The following CFAP97D2 variants were observed in gnomAD, a reference collection of about 807,000 sequenced individuals.
CFAP97D2 encodes uncharacterized protein CFAP97D2.
intron 3 of CFAP97D2, among the ~76,000 whole-genome samples, chr13:114,210,952 A>G (rs1207150804): frequency 6.6e-6 from 1 of 152,096 alleles, no homozygotes; most frequent in East Asian, 1.9e-4. Flanking sequence ...GTTTTCCAAA[A>G]CAACAGATGC....
intron 3 of CFAP97D2, among the ~76,000 whole-genome samples, chr13:114,201,420 A>G (rs2080917509): frequency 6.6e-6 from 1 of 152,204 alleles, no homozygotes; most frequent in African/African-American, 2.4e-5. Flanking sequence ...TGTGTGATAC[A>G]GGAAGATTGC....
exon 4 of CFAP97D2, chr13:114,212,092 T>C (rs1206978510): frequency 5.0e-6 from 2 of 398,496 alleles, no homozygotes; most frequent in Admixed American, 8.8e-5. Context: ...CAGATACGCC[T>C]AGCAAAAAGG....
At chr13:114,217,055 T>A (rs1377385473) in intron 4 of CFAP97D2, among the ~76,000 whole-genome samples, 1 of 152,246 alleles carries the variant, frequency 6.6e-6, no homozygotes, top group Non-Finnish European at 1.5e-5. Context: ...TGGTGAGCAT[T>A]TTTTCATGTG....
chr13:114,209,801 G>C (rs958584767), intron 3 of CFAP97D2, among the ~76,000 whole-genome samples: 1 of 152,292 alleles, frequency 6.6e-6, no homozygotes, highest in South Asian at 2.1e-4. Context: ...TGATTCCAGG[G>C]ACTTTGTCTC....
At chr13:114,198,571 C>G (rs2080898060) in intron 2 of CFAP97D2, among the ~76,000 whole-genome samples, 1 of 152,278 alleles carries the variant, frequency 6.6e-6, no homozygotes, top group African/African-American at 2.4e-5. Flanking sequence ...CAGTGTTACT[C>G]TCACTTACTC....
intron 2 of CFAP97D2, among the ~76,000 whole-genome samples, 191 bp from the exon 3 acceptor site, chr13:114,200,134 C>A (rs1274109915): frequency 8.3e-6 from 1 of 120,834 alleles, no homozygotes; most frequent in African/African-American, 3.1e-5. Flanking sequence ...GGCGTCCCCT[C>A]GCGTACGGTC....
intron 4 of CFAP97D2, among the ~76,000 whole-genome samples, chr13:114,219,928 A>G (rs972612894): frequency 6.6e-6 from 1 of 150,788 alleles, no homozygotes; most frequent in African/African-American, 2.4e-5. Context: ...CTTCTCTGCC[A>G]TGGGGTCTGC....
At chr13:114,209,807 G>A (rs1480448768) in intron 3 of CFAP97D2, among the ~76,000 whole-genome samples, 1 of 152,162 alleles carries the variant, frequency 6.6e-6, no homozygotes, top group East Asian at 1.9e-4. Flanking sequence ...CAGGGACTTT[G>A]TCTCTTTTGT....
chr13:114,213,402 C>G (rs1168207085), intron 4 of CFAP97D2, among the ~76,000 whole-genome samples: 1 of 149,082 alleles, frequency 6.7e-6, no homozygotes, highest in Non-Finnish European at 1.5e-5. Flanking sequence ...AATCCCACCC[C>G]TATGGAAACT....
intron 4 of CFAP97D2, among the ~76,000 whole-genome samples, chr13:114,221,470 A>G (rs1057418124): frequency 7.9e-5 from 12 of 152,360 alleles, no homozygotes; most frequent in African/African-American, 2.4e-4. Flanking sequence ...TTCTCCCAAC[A>G]GGATATACAA....
intron 2 of CFAP97D2, among the ~76,000 whole-genome samples, chr13:114,198,813 A>T (rs72488211): frequency 1.6e-5 from 1 of 62,760 alleles, no homozygotes; most frequent in Non-Finnish European, 2.6e-5. Flanking sequence ...CCCCGTGTGT[A>T]CGGTCCCCGC....
chr13:114,191,798 T>A (rs1446157010), intron 1 of CFAP97D2, among the ~76,000 whole-genome samples: 2 of 152,198 alleles, frequency 1.3e-5, no homozygotes, highest in African/African-American at 4.8e-5. Context: ...GTAGCTTTAT[T>A]CATAATTGCC....
chr13:114,195,809 C>T (rs190434606), intron 1 of CFAP97D2, among the ~76,000 whole-genome samples: 73 of 151,962 alleles, frequency 4.8e-4, no homozygotes, highest in Middle Eastern at 6.8e-3. Flanking sequence ...CAGTGGCTCA[C>T]GCCTGTAATC....
rs917811577 is a variant in CFAP97D2 at position 114,222,164 on chromosome 13, C to A, written c.481-334C>A. Among the ~76,000 whole-genome samples the A allele has an allele frequency of 2.5e-4, 38 of 152,036 alleles. No individual in the cohort carries two copies. The highest frequency in any genetic ancestry group is 1.0e-4 in the Non-Finnish European group (7 of 68,022). ...TCCAGAATAGGCACATTCAAAGAGACAAAAAGTAATCAGTGGTTGTCGGGG... is the reference window on the plus strand; with the variant it reads ...TCCAGAATAGGCACATTCAAAGAGAAAAAAAGTAATCAGTGGTTGTCGGGG... On this transcript the variant is annotated intron_variant, in intron 4 of 4. Transcript: ENST00000646158. The surrounding 1 kb of genome is among the most constrained non-coding windows in gnomAD (Gnocchi z 4.4).
rs13378993 is a variant in CFAP97D2 at position 114,186,938 on chromosome 13, C to T, written c.90+7518C>T. On this transcript the variant is annotated intron_variant, in intron 1 of 4. Transcript: ENST00000646158. This position sits in a 1 kb window ranked among gnomAD's most constrained non-coding sequence, Gnocchi z 4.3. ...CCAGTCCAAGTGGGCCCAGTGGGCC[C>T]GAGCAAAATTCGGCAAAGGTGCCAC... Among the ~76,000 whole-genome samples the T allele has an allele frequency of 0.073, 11,089 of 152,256 alleles. 649 individuals are homozygous for T. Among genetic ancestry groups the T allele is most frequent in the African/African-American group, 0.17 (6,933 of 41,526 alleles).
chr13:114,199,035 G>A (rs1186216101), intron 2 of CFAP97D2, among the ~76,000 whole-genome samples: 1 of 56,970 alleles, frequency 1.8e-5, no homozygotes, highest in Admixed American at 1.5e-4. Context: ...GTGACGGCGC[G>A]TCCCCGTGGG....
chr13:114,218,778 A>C (rs1485172068), intron 4 of CFAP97D2, among the ~76,000 whole-genome samples: 2 of 152,242 alleles, frequency 1.3e-5, no homozygotes, highest in Non-Finnish European at 2.9e-5. Context: ...AAATGGGGAA[A>C]GGATTCCCTA....
chr13:114,179,574 A>G lies in CFAP97D2; in HGVS notation c.90+154A>G, dbSNP rs892002581. ...CATTTCCTAACAAGATTCATCATCT[A>G]TGTTGCCATACAATAAAAATCTCAT... is the stretch of plus-strand genomic sequence containing the variant. On this transcript the variant is annotated intron_variant, in intron 1 of 4. Transcript: ENST00000646158. This position sits in a 1 kb window ranked among gnomAD's most constrained non-coding sequence, Gnocchi z 4.8. Among the ~76,000 whole-genome samples, 2 of 151,636 alleles carry G rather than the reference A, an allele frequency of 1.3e-5. No individual in the cohort carries two copies. The highest frequency in any genetic ancestry group is 4.8e-5 in the African/African-American group (2 of 41,276).
chr13:114,189,437 G>A lies in CFAP97D2; in HGVS notation c.91-6959G>A, dbSNP rs921741973. On this transcript the variant is annotated intron_variant, in intron 1 of 4. Coordinates refer to ENST00000646158, the Ensembl canonical transcript of CFAP97D2. The surrounding 1 kb of genome is among the most constrained non-coding windows in gnomAD (Gnocchi z 4.5). ...GAAATTTTACCTATTCTCTACAATC[G>A]CTTTCAGAGGACTGAAGCAGTGGGA... Among the ~76,000 whole-genome samples, 9 of 152,080 alleles carry A rather than the reference G, an allele frequency of 5.9e-5. No individual in the cohort carries two copies. The highest frequency in any genetic ancestry group is 2.1e-4 in the South Asian group (1 of 4,820).
Sources: gnomAD v4.1 joint callset for allele counts (sites outside exome capture counted in the v4.1 genomes callset) on GRCh38, gnomAD v4.1.1 for gene constraint, Gnocchi (gnomAD v3.1) non-coding constraint, MANE v1.5 for transcripts, NCBI Gene and HGNC (gene_info 2026-07-23, HGNC 2026-07-21) for gene names.